The following PTPRN2 variants were observed in gnomAD, a reference collection of about 807,000 sequenced individuals.
The protein encoded by PTPRN2 is protein tyrosine phosphatase receptor type N2.
In PTPRN2, 74 loss-of-function variants were observed where a neutral mutation model predicts 118.8. That is an observed-to-expected ratio of 0.62 (90% CI 0.52 to 0.76). The LOEUF (loss-of-function observed/expected upper bound fraction) is 0.76. PTPRN2 is among the 30% of genes least tolerant of loss of function. PTPRN2 has a pLI of 0.00. For synonymous variants in PTPRN2, 641 were observed against 608.0 expected, an observed-to-expected ratio of 1.05 and a Z score of -0.80; for missense variants, 1,481 against 1,394.4, an observed-to-expected ratio of 1.06 and a Z score of -0.99.
intron 3 of PTPRN2, among the ~76,000 whole-genome samples, chr7:158,270,827 CCTGGATGACCCCCTCACCTGGACCG>C: frequency 7.4e-4 from 7 of 9,510 alleles, no homozygotes; most frequent in African/African-American, 2.7e-3. Context: ...GCCCCCTCCA[CCTGGATGACCCCCTCACCTGGACCG>C]CCCCCCCACC....
intron 3 of PTPRN2, among the ~76,000 whole-genome samples, chr7:158,241,847 A>T (rs1795921821): frequency 6.6e-6 from 1 of 152,212 alleles, no homozygotes; most frequent in Non-Finnish European, 1.5e-5. Context: ...GAAATGATAC[A>T]GATGGCTCGA....
At chr7:158,567,683 G>A (rs1046385382) in intron 1 of PTPRN2, among the ~76,000 whole-genome samples, 6 of 152,196 alleles carry the variant, frequency 3.9e-5, no homozygotes, top group South Asian at 2.1e-4. Flanking sequence ...TACGGGCATC[G>A]TGCCGAAAGG....
At chr7:157,997,471 A>G (rs907924947) in intron 11 of PTPRN2, among the ~76,000 whole-genome samples, 10 of 152,208 alleles carry the variant, frequency 6.6e-5, no homozygotes, top group Non-Finnish European at 1.2e-4. Context: ...CCACACAGCC[A>G]GTCATTCCTG....
At chr7:158,054,753 T>C (rs962414745) in intron 11 of PTPRN2, among the ~76,000 whole-genome samples, 2 of 152,238 alleles carry the variant, frequency 1.3e-5, no homozygotes, top group South Asian at 2.1e-4. Context: ...GTGTGCCCCG[T>C]AGCACCGTCA....
chr7:158,576,708 C>T (rs561237996), intron 1 of PTPRN2, among the ~76,000 whole-genome samples: 25 of 152,330 alleles, frequency 1.6e-4, no homozygotes, highest in African/African-American at 3.8e-4. Context: ...CCCAGTCCTG[C>T]CCGATGCCAC....
At chr7:158,262,002 G>T (rs11971023) in intron 3 of PTPRN2, among the ~76,000 whole-genome samples, 3,184 of 152,242 alleles carry the variant, frequency 0.021, 112 homozygotes, top group African/African-American at 0.072. Context: ...CAACAGGAGG[G>T]GCCACAGCCG....
intron 9 of PTPRN2, among the ~76,000 whole-genome samples, chr7:158,119,161 T>A (rs1029198705): frequency 2.6e-5 from 4 of 152,154 alleles, no homozygotes; most frequent in African/African-American, 9.7e-5. Context: ...AGAGTACTCT[T>A]AAAACTCAAC....
chr7:158,153,470 C>T (rs1317385202), intron 6 of PTPRN2, among the ~76,000 whole-genome samples: 2 of 152,150 alleles, frequency 1.3e-5, no homozygotes, highest in South Asian at 2.1e-4. Context: ...TAAACATTCA[C>T]CCCTAGACAC....
chr7:157,811,727 C>T lies in PTPRN2; in HGVS notation c.1788+86946G>A, dbSNP rs542941474. Among the ~76,000 whole-genome samples the T allele has an allele frequency of 2.6e-5, 4 of 152,286 alleles. No individual in the cohort carries two copies. The South Asian group carries it at 6.2e-4, about 24-fold the overall frequency. On this transcript the variant is annotated intron_variant, in intron 12 of 22. Coordinates refer to ENST00000389418, the MANE Select transcript of PTPRN2 (RefSeq NM_002847.5). ...GGCCGGCCCCTGTGCCGAGACTCCA[C>T]GCAGTGGCTTCCTCGCTGTGACAGC... is the stretch of plus-strand genomic sequence containing the variant.
At chr7:158,206,683 C>T (rs1012067459) in intron 3 of PTPRN2, among the ~76,000 whole-genome samples, 6 of 152,120 alleles carry the variant, frequency 3.9e-5, no homozygotes, top group Non-Finnish European at 5.9e-5. Flanking sequence ...CAAGGTGATA[C>T]ATCTGTGAGT....
intron 11 of PTPRN2, among the ~76,000 whole-genome samples, chr7:158,078,813 C>A (rs1214643326): frequency 6.6e-6 from 1 of 152,220 alleles, no homozygotes; most frequent in East Asian, 1.9e-4. Flanking sequence ...TTCACAGTCA[C>A]AAAATTCTTT....
chr7:157,586,565 G>A (rs1039330672), intron 17 of PTPRN2, among the ~76,000 whole-genome samples: 9 of 152,242 alleles, frequency 5.9e-5, no homozygotes, highest in Non-Finnish European at 1.3e-4. Flanking sequence ...GCCAGACACC[G>A]GGTCTGTCCT....
chr7:158,292,932 G>C (rs550946605), intron 3 of PTPRN2, among the ~76,000 whole-genome samples: 6 of 152,164 alleles, frequency 3.9e-5, no homozygotes, highest in African/African-American at 1.4e-4. Flanking sequence ...GCCTGGCGAG[G>C]CAGCAGGCAC....
intron 13 of PTPRN2, among the ~76,000 whole-genome samples, chr7:157,673,275 C>T (rs567160928): frequency 3.9e-4 from 60 of 152,282 alleles, no homozygotes; most frequent in South Asian, 2.3e-3. Flanking sequence ...CTGCCTGCCT[C>T]GGCCTCCCAA....
chr7:157,953,665 AT>A lies in PTPRN2; in HGVS notation c.1724-54929del, dbSNP rs1800976822. On this transcript the variant is annotated intron_variant, in intron 11 of 22. Coordinates refer to ENST00000389418, the MANE Select transcript of PTPRN2 (RefSeq NM_002847.5). The surrounding 1 kb of genome is among the most constrained non-coding windows in gnomAD (Gnocchi z 4.6). ...ACACCTCACCCCTCACAGACATCTC[AT>A]TTTTTCAGAGCTGCATCATCAGAGC... is the stretch of plus-strand genomic sequence containing the variant. 6.6e-6 allele frequency among the ~76,000 whole-genome samples: 1 copy of A among 151,460 alleles called. No homozygotes were observed. Among genetic ancestry groups the A allele is most frequent in the Non-Finnish European group, 1.5e-5 (1 of 67,880 alleles).
intron 2 of PTPRN2, among the ~76,000 whole-genome samples, chr7:158,476,954 C>A (rs1820316045): frequency 6.6e-6 from 1 of 152,234 alleles, no homozygotes; most frequent in Non-Finnish European, 1.5e-5. Flanking sequence ...TTTTAACTCA[C>A]CTCAAGTCAC....
chr7:158,273,460 GCAGGGGGAGCCGCAGGCA>G (rs1360267248), intron 3 of PTPRN2, among the ~76,000 whole-genome samples: 2,978 of 62,062 alleles, frequency 0.048, 573 homozygotes, highest in African/African-American at 0.25. Flanking sequence ...AGCCGCAGAC[GCAGGGGGAGCCGCAGGCA>G]CAGGGGGAGC....
intron 12 of PTPRN2, among the ~76,000 whole-genome samples, chr7:157,761,397 C>T (rs1297299321): frequency 2.7e-5 from 4 of 150,198 alleles, no homozygotes; most frequent in Admixed American, 1.3e-4. Context: ...GGTACCAAAA[C>T]AGAGATATAG....
intron 12 of PTPRN2, among the ~76,000 whole-genome samples, chr7:157,812,797 A>T (rs1453026286): frequency 6.6e-6 from 1 of 152,152 alleles, no homozygotes; most frequent in Non-Finnish European, 1.5e-5. Flanking sequence ...GGCTTCACAG[A>T]AATGGAGGTT....
Sources: allele counts gnomAD v4.1 joint callset (sites outside exome capture counted in the v4.1 genomes callset), GRCh38; gene constraint gnomAD v4.1.1; non-coding constraint Gnocchi (gnomAD v3.1); transcripts MANE v1.5; gene names NCBI Gene and HGNC (gene_info 2026-07-23, HGNC 2026-07-21).